Variants in FYB1 observed in about 807,000 individuals in gnomAD.
FYB1 encodes FYN binding protein 1.
A neutral mutation model predicts 94.1 loss-of-function variants in FYB1; 41 were observed. The observed-to-expected ratio is 0.44, with a 90% CI of 0.34 to 0.57. The LOEUF (loss-of-function observed/expected upper bound fraction) is 0.57. Among genes scored for constraint, FYB1 ranks in the 20% least tolerant of loss-of-function variants. FYB1 has a pLI of 0.02. For synonymous variants in FYB1, 367 were observed against 353.2 expected (o/e 1.04, Z -0.44); for missense variants, 1,050 against 976.8 (o/e 1.07, Z -1.00).
chr5:39,264,995 TG>T (rs1193575791), intron 1 of FYB1, among the ~76,000 whole-genome samples: 3 of 152,186 alleles, frequency 2.0e-5, no homozygotes, highest in Admixed American at 6.5e-5. Context: ...TCTCCAAGCG[TG>T]GGCCCTGGAC....
intron 9 of FYB1, among the ~76,000 whole-genome samples, chr5:39,132,075 TGTAGA>T (rs1741251211): frequency 6.6e-6 from 1 of 152,212 alleles, no homozygotes. Flanking sequence ...TCATATTTAC[TGTAGA>T]TACTGCTTTA....
intron 3 of FYB1, among the ~76,000 whole-genome samples, chr5:39,148,794 C>T (rs1214977431): frequency 6.6e-6 from 1 of 152,122 alleles, no homozygotes; most frequent in East Asian, 1.9e-4. Context: ...GTTGAACCTT[C>T]CCTTTTCTAA....
rs1554042917 is a variant in FYB1, at chr5:39,232,523, T to TTTATTTATTTA, written c.-27-29537_-27-29536insTAAATAAATAA. On this transcript the variant is annotated intron_variant, in intron 1 of 1. Transcript: ENST00000510188. ...TGTGACATTTTAGCATAAACATTTA[T>TTTATTTATTTA]TTTATTTATTTATTTATTTATTTAT... Among the ~76,000 whole-genome samples, 897 of 150,868 alleles carry TTTATTTATTTA rather than the reference T, an allele frequency of 5.9e-3. 6 individuals are homozygous for TTTATTTATTTA. The highest frequency in any genetic ancestry group is 0.019 in the African/African-American group (772 of 40,588).
intron 1 of FYB1, among the ~76,000 whole-genome samples, chr5:39,243,864 G>A (rs1298152575): frequency 2.6e-5 from 4 of 152,142 alleles, no homozygotes; most frequent in Non-Finnish European, 4.4e-5. Context: ...CACATCCCCC[G>A]TAAGTTGGGT....
In FYB1 at chr5:39,106,649, C is replaced by T. The variant is rs1273357856; in HGVS notation, c.*794G>A. The T allele has an allele frequency of 6.6e-6, 1 of 152,050 alleles. No homozygotes were observed. The highest frequency in any genetic ancestry group is 1.5e-5 in the Non-Finnish European group (1 of 67,944). The allele number at this position is 152,050 out of a possible 1,614,324, so 9.4% of individuals were successfully genotyped here. A position where few individuals can be genotyped will look rare whatever the true frequency, so the allele number is the denominator to read the frequency against. ...AGCCTAGGTAGTTTCAAGGTCCATT[C>T]TTCCATTCCTCATGATTTTAGGGTT... is the stretch of plus-strand genomic sequence containing the variant. On this transcript the variant is annotated 3_prime_UTR_variant, in exon 19 of 19. Coordinates refer to ENST00000512982, the MANE Select transcript of FYB1 (RefSeq NM_001465.6).
At chr5:39,226,305 C>T (rs1299285109) in intron 1 of FYB1, among the ~76,000 whole-genome samples, 1 of 152,074 alleles carries the variant, frequency 6.6e-6, no homozygotes, top group African/African-American at 2.4e-5. Context: ...ATTGTTCTGC[C>T]TCTAATCCTT....
intron 9 of FYB1, among the ~76,000 whole-genome samples, chr5:39,131,643 A>C (rs1235811674): frequency 6.6e-6 from 1 of 152,210 alleles, no homozygotes; most frequent in Non-Finnish European, 1.5e-5. Context: ...TTTTTGAAGA[A>C]GTTGCAGTAC....
intron 2 of FYB1, among the ~76,000 whole-genome samples, chr5:39,171,638 C>T (rs1387282680): frequency 6.6e-6 from 1 of 152,220 alleles, no homozygotes; most frequent in Non-Finnish European, 1.5e-5. Flanking sequence ...AGTTATTGCA[C>T]TACTGAAGTG....
At chr5:39,163,737 T>A (rs1347750875) in intron 2 of FYB1, among the ~76,000 whole-genome samples, 1 of 152,206 alleles carries the variant, frequency 6.6e-6, no homozygotes, top group Non-Finnish European at 1.5e-5. Context: ...AGTGTGACTT[T>A]AAGAAGGAAA....
At chr5:39,112,969 T>A (rs541889098) in intron 16 of FYB1, among the ~76,000 whole-genome samples, 2 of 152,218 alleles carry the variant, frequency 1.3e-5, no homozygotes, top group African/African-American at 4.8e-5. Context: ...AAAAATGATG[T>A]GATAACACGG....
intron 12 of FYB1, among the ~76,000 whole-genome samples, chr5:39,124,804 G>A (rs1446111123): frequency 6.6e-6 from 1 of 151,936 alleles, no homozygotes; most frequent in Non-Finnish European, 1.5e-5. Flanking sequence ...TTAAACCAGA[G>A]AGTGAGAGCT....
At chr5:39,133,244 G>T (rs1195431238) in intron 9 of FYB1, among the ~76,000 whole-genome samples, 4 of 152,188 alleles carry the variant, frequency 2.6e-5, no homozygotes, top group African/African-American at 9.6e-5. Flanking sequence ...TGCAGACACA[G>T]TTTTACCCAG....
chr5:39,191,689 T>G (rs1747376732), intron 2 of FYB1, among the ~76,000 whole-genome samples: 1 of 152,232 alleles, frequency 6.6e-6, no homozygotes, highest in Admixed American at 6.5e-5. Context: ...TGTCTCCAAC[T>G]TTTTAACTCT....
chr5:39,217,460 G>A (rs987448697), intron 1 of FYB1, among the ~76,000 whole-genome samples: 4 of 152,268 alleles, frequency 2.6e-5, no homozygotes, highest in Admixed American at 6.5e-5. Flanking sequence ...TTCTGCAGCA[G>A]CTTGCTCTTA....
intron 2 of FYB1, among the ~76,000 whole-genome samples, chr5:39,161,058 G>C (rs958050830): frequency 6.6e-6 from 1 of 152,200 alleles, no homozygotes; most frequent in Non-Finnish European, 1.5e-5. Flanking sequence ...AGCTCAGAGA[G>C]CTCTCTGTTT....
intron 3 of FYB1, among the ~76,000 whole-genome samples, chr5:39,148,392 T>TG (rs1431563085): frequency 1.2e-4 from 11 of 92,522 alleles, no homozygotes; most frequent in African/African-American, 6.8e-4. Flanking sequence ...TTTTTTTTTT[T>TG]TTTTTTTTTT....
chr5:39,138,333 A>C, intron 6 of FYB1: 1 of 207,490 alleles, frequency 4.8e-6, no homozygotes, highest in South Asian at 1.3e-4. Context: ...CAGGTGAAGA[A>C]GGCGTAACAT....
intron 3 of FYB1, among the ~76,000 whole-genome samples, chr5:39,151,436 T>G (rs189419130): frequency 5.3e-5 from 8 of 152,076 alleles, no homozygotes; most frequent in African/African-American, 1.9e-4. Context: ...TCTACAGGCA[T>G]GCACCATCAT....
intron 14 of FYB1, 65 bp from the exon 15 acceptor site, chr5:39,119,699 C>G: frequency 5.1e-6 from 7 of 1,367,580 alleles, no homozygotes; most frequent in Non-Finnish European, 5.7e-6. Flanking sequence ...TAGTCCATAA[C>G]AGAGACGATT....
Sources: gnomAD v4.1 joint callset for allele counts (sites outside exome capture counted in the v4.1 genomes callset) on GRCh38, gnomAD v4.1.1 for gene constraint, MANE v1.5 for transcripts, NCBI Gene and HGNC (gene_info 2026-07-23, HGNC 2026-07-21) for gene names.